TMTC1: variants seen among roughly 807,000 people sequenced by gnomAD.
TMTC1 encodes the protein transmembrane O-mannosyltransferase targeting cadherins 1.
In TMTC1, 73 loss-of-function variants were observed where a neutral mutation model predicts 104.8. The ratio of observed to expected loss-of-function variants is 0.70; its 90% CI spans 0.58 to 0.85. The LOEUF (loss-of-function observed/expected upper bound fraction) is 0.85. Ranked by LOEUF, TMTC1 falls within the 40% of genes least tolerant of loss-of-function variation. TMTC1 has a pLI of 0.00. For synonymous variants in TMTC1, 434 were observed against 428.7 expected (o/e 1.01, Z -0.15); for missense variants, 1,035 against 1,096.1 (o/e 0.94, Z 0.79).
intron 5 of TMTC1, among the ~76,000 whole-genome samples, chr12:29,654,468 T>C (rs1235927620): frequency 1.3e-5 from 2 of 152,078 alleles, no homozygotes; most frequent in African/African-American, 4.8e-5. Context: ...TTGGTGAAAA[T>C]AGAGAGAATG....
chr12:29,673,926 A>C (rs1940623693), intron 5 of TMTC1, among the ~76,000 whole-genome samples: 1 of 151,376 alleles, frequency 6.6e-6, no homozygotes, highest in Non-Finnish European at 1.5e-5. Flanking sequence ...TGCCTGGCTA[A>C]TTTTGTATTT....
At chr12:29,631,379 T>C (rs555360302) in intron 6 of TMTC1, among the ~76,000 whole-genome samples, 1 of 152,350 alleles carries the variant, frequency 6.6e-6, no homozygotes, top group African/African-American at 2.4e-5. Context: ...GTAATTTGCT[T>C]TTATTTTTAG....
At position 29,758,852 on chromosome 12, in the gene TMTC1, G is replaced by A; in HGVS notation, c.481-75C>T. 11 of 1,274,356 alleles carry A rather than the reference G, an allele frequency of 8.6e-6. No homozygotes were observed. The South Asian group carries it at 1.7e-4, about 19-fold the overall frequency. 78.9% of individuals were successfully genotyped at this position (1,274,356 alleles called of 1,614,324 possible). ...AAAACTATTACACAAATCCATTACA[G>A]AAATGTATTTGTTGTTAGATAAATG... On this transcript the variant is annotated intron_variant, in intron 2 of 17. Coordinates refer to ENST00000539277, the MANE Select transcript of TMTC1 (RefSeq NM_001193451.2).
chr12:29,605,571 T>TAAAA (rs34353381), intron 6 of TMTC1, among the ~76,000 whole-genome samples: 4 of 101,856 alleles, frequency 3.9e-5, no homozygotes, highest in Non-Finnish European at 8.2e-5. Flanking sequence ...CCAAAAAGGG[T>TAAAA]AAAAAAAAAA....
chr12:29,778,371 A>G (rs1002102001), intron 1 of TMTC1, among the ~76,000 whole-genome samples: 3 of 152,224 alleles, frequency 2.0e-5, no homozygotes, highest in African/African-American at 7.2e-5. Flanking sequence ...TCCCAAGAGA[A>G]GGGTTGGGAT....
At chr12:29,610,067 C>A in intron 6 of TMTC1, 1 of 152,408 alleles carries the variant, frequency 6.6e-6, no homozygotes, top group Non-Finnish European at 1.5e-5. Context: ...ATACTACCCA[C>A]ATCACCGGAA....
rs764598987 is a variant in TMTC1, at chr12:29,726,984, C to G, written c.938+24682G>C. ...CTCCACAATCTTCCAGGATGCACTG[C>G]TGAGCACAGCAGGGGTATAACTCTG... On this transcript the variant is annotated intron_variant, in intron 5 of 17. Transcript: ENST00000539277. Among the ~76,000 whole-genome samples the G allele has an allele frequency of 2.0e-5, 3 of 152,222 alleles. No homozygotes were observed. In the South Asian group the frequency reaches 6.2e-4, roughly 31 times the overall value.
intron 6 of TMTC1, among the ~76,000 whole-genome samples, chr12:29,627,472 T>C (rs1336406867): frequency 4.6e-5 from 7 of 152,172 alleles, no homozygotes; most frequent in Non-Finnish European, 8.8e-5. Flanking sequence ...AAGTGTTGGT[T>C]GGGATGTAGA....
intron 17 of TMTC1, among the ~76,000 whole-genome samples, chr12:29,510,854 C>G (rs1208036084): frequency 6.6e-6 from 1 of 152,150 alleles, no homozygotes; most frequent in Non-Finnish European, 1.5e-5. Flanking sequence ...CATAAAAGCC[C>G]AAGTCCCTAC....
intron 6 of TMTC1, among the ~76,000 whole-genome samples, chr12:29,625,055 T>C (rs1937906468): frequency 1.3e-5 from 2 of 152,168 alleles, no homozygotes; most frequent in South Asian, 4.1e-4. Context: ...TAATCAGGGA[T>C]TATAAAATAA....
chr12:29,530,158 A>G (rs936207541), intron 11 of TMTC1, among the ~76,000 whole-genome samples: 3 of 152,120 alleles, frequency 2.0e-5, no homozygotes, highest in East Asian at 1.9e-4. Context: ...TAAGTCCCCA[A>G]TCTGACTCAA....
At chr12:29,529,706 C>T (rs1301765655) in intron 11 of TMTC1, among the ~76,000 whole-genome samples, 1 of 152,160 alleles carries the variant, frequency 6.6e-6, no homozygotes, top group African/African-American at 2.4e-5. Context: ...AGTTCCTCCA[C>T]CCATATGTCA....
At chr12:29,763,583 G>C (rs568362952) in intron 2 of TMTC1, among the ~76,000 whole-genome samples, 17 of 152,306 alleles carry the variant, frequency 1.1e-4, no homozygotes, top group African/African-American at 3.8e-4. Flanking sequence ...AGTCAAAAGA[G>C]GGTATTAAAT....
chr12:29,747,070 A>G (rs1453337321), intron 5 of TMTC1, among the ~76,000 whole-genome samples: 1 of 152,220 alleles, frequency 6.6e-6, no homozygotes, highest in Non-Finnish European at 1.5e-5. Flanking sequence ...ACTGTCTTCA[A>G]TGCCTATTGT....
rs1485607055 is a variant in TMTC1 at position 29,751,700 on chromosome 12, G to A, written c.904C>T (p.Pro302Ser). Residue 302 changes from proline (P) to serine (S), a missense_variant, in exon 5 of 18, where the codon CCA (proline) becomes TCA (serine). Transcript: ENST00000539277. ...LPPEPKSSGF[P>S]VSPRAVWSMM... ...GACCACACAGCTCGTGGGGACACTGGGAATCCACTGCTCTTGGGTTCTGGT... is the reference window on the plus strand; with the variant it reads ...GACCACACAGCTCGTGGGGACACTGAGAATCCACTGCTCTTGGGTTCTGGT... The A allele has an allele frequency of 6.2e-7, 1 of 1,614,100 alleles. No homozygotes were observed. The highest frequency in any genetic ancestry group is 8.5e-7 in the Non-Finnish European group (1 of 1,180,024).
At chr12:29,651,047 C>T (rs574641201) in intron 5 of TMTC1, among the ~76,000 whole-genome samples, 12 of 152,170 alleles carry the variant, frequency 7.9e-5, no homozygotes, top group East Asian at 3.9e-4. Context: ...CGGGGGGCTA[C>T]GCTTTCCAGC....
chr12:29,523,795 AT>A (rs1264775325), intron 11 of TMTC1, among the ~76,000 whole-genome samples: 1 of 152,116 alleles, frequency 6.6e-6, no homozygotes, highest in South Asian at 2.1e-4. Context: ...ATTCGCGTCT[AT>A]TTTAGGACTT....
intron 9 of TMTC1, among the ~76,000 whole-genome samples, chr12:29,566,734 G>A (rs993816257): frequency 6.6e-6 from 1 of 152,164 alleles, no homozygotes; most frequent in Non-Finnish European, 1.5e-5. Flanking sequence ...CATTGCTTAC[G>A]GATATTGCTT....
intron 5 of TMTC1, among the ~76,000 whole-genome samples, chr12:29,711,899 C>T (rs1015553951): frequency 7.4e-5 from 11 of 148,418 alleles, no homozygotes; most frequent in Non-Finnish European, 1.3e-4. Flanking sequence ...CCCAACTACT[C>T]GGGAGGCTGA....
Sources: gnomAD v4.1 joint callset for allele counts (sites outside exome capture counted in the v4.1 genomes callset) on GRCh38, gnomAD v4.1.1 for gene constraint, MANE v1.5 for transcripts, NCBI Gene and HGNC (gene_info 2026-07-23, HGNC 2026-07-21) for gene names.